The following KCNQ1 variants were observed in gnomAD, a reference collection of about 807,000 sequenced individuals.
KCNQ1 encodes the protein potassium voltage-gated channel subfamily KQT member 1.
KCNQ1 carries 49 observed loss-of-function variants against 72.4 expected under a neutral mutation model. That is an observed-to-expected ratio of 0.68 (90% CI 0.54 to 0.86). The LOEUF is 0.86. Ranked by LOEUF, KCNQ1 falls within the 40% of genes least tolerant of loss-of-function variation. KCNQ1 has a pLI of 0.00. For missense variants in KCNQ1, 790 were observed against 945.1 expected, an observed-to-expected ratio of 0.84 and a Z score of 2.15; for synonymous variants, 450 against 412.6, an observed-to-expected ratio of 1.09 and a Z score of -1.10.
At position 2,745,812 on chromosome 11, in the gene KCNQ1, G is replaced by T. The variant is rs1846130989; in HGVS notation, c.1515-23032G>T. On this transcript the variant is annotated intron_variant, in intron 11 of 15. Coordinates refer to ENST00000155840, the MANE Select transcript of KCNQ1 (RefSeq NM_000218.3). The surrounding 1 kb of genome is among the most constrained non-coding windows in gnomAD (Gnocchi z 6.2). ...CCTTCAGGCCTGAGCCCGGGGCCAG[G>T]ACCAGGAGCAGGCGGCAGCAGCAAG... 6.6e-6 allele frequency among the ~76,000 whole-genome samples: 1 copy of T among 152,254 alleles called. No individual in the cohort carries two copies. Among genetic ancestry groups the T allele is most frequent in the Non-Finnish European group, 1.5e-5 (1 of 68,044 alleles).
chr11:2,589,246 G>A (rs1848639000), intron 10 of KCNQ1, among the ~76,000 whole-genome samples: 1 of 152,192 alleles, frequency 6.6e-6, no homozygotes, highest in African/African-American at 2.4e-5. Flanking sequence ...GAGGGAAGGG[G>A]TTTGGGGATG....
intron 11 of KCNQ1, among the ~76,000 whole-genome samples, chr11:2,726,842 G>T (rs189758907): frequency 6.6e-6 from 1 of 152,132 alleles, no homozygotes; most frequent in South Asian, 2.1e-4. Context: ...TGGCATGGGC[G>T]CCAGGTCTGC....
In KCNQ1 at chr11:2,824,476, G is replaced by T. The variant is rs1169524784; in HGVS notation, c.1795-23291G>T. On this transcript the variant is annotated intron_variant, in intron 15 of 15. Coordinates refer to ENST00000155840, the MANE Select transcript of KCNQ1 (RefSeq NM_000218.3). The surrounding 1 kb of genome is among the most constrained non-coding windows in gnomAD (Gnocchi z 5.9). The stretch of plus-strand genomic sequence containing the variant: ...AGGAGCAGGGAGGAGGACACGCAGG[G>T]CCTGAAAGGTTCTGAGGTGTCCACG... Among the ~76,000 whole-genome samples the T allele has an allele frequency of 6.6e-6, 1 of 152,172 alleles. No homozygotes were observed. The highest frequency in any genetic ancestry group is 2.4e-5 in the African/African-American group (1 of 41,434).
In KCNQ1 at chr11:2,624,035, C is replaced by T. The variant is rs941401731; in HGVS notation, c.1393+35181C>T. 2.5e-6 allele frequency: 1 copy of T among 399,468 alleles called. No individual in the cohort carries two copies. Among genetic ancestry groups the T allele is most frequent in the Non-Finnish European group, 4.4e-6 (1 of 226,848 alleles). The allele number at this position is 399,468 out of a possible 1,614,324, so 24.7% of individuals were successfully genotyped here. On this transcript the variant is annotated intron_variant, in intron 10 of 15. Transcript: ENST00000155840. This position sits in a 1 kb window ranked among gnomAD's most constrained non-coding sequence, Gnocchi z 4.9. ...CTGTACCATTTTGCATTCCCACCAG[C>T]AATGGATGAGTGTTCCTGTTGCCCC... is the stretch of plus-strand genomic sequence containing the variant.
intron 15 of KCNQ1, among the ~76,000 whole-genome samples, chr11:2,788,383 G>T (rs1846953030): frequency 6.6e-6 from 1 of 152,352 alleles, no homozygotes. Flanking sequence ...AGCAGACTGT[G>T]AGAAGTGTGT....
chr11:2,628,290 C>G (rs1220643407), intron 10 of KCNQ1: 1 of 398,434 alleles, frequency 2.5e-6, no homozygotes, highest in Non-Finnish European at 4.4e-6. Context: ...ACATCCTCAC[C>G]AACACTTGCT....
intron 15 of KCNQ1, among the ~76,000 whole-genome samples, chr11:2,831,969 G>A (rs954009746): frequency 1.3e-5 from 2 of 152,098 alleles, no homozygotes; most frequent in African/African-American, 2.4e-5. Context: ...GGCCCTGCCC[G>A]TGTACCAGGA....
intron 11 of KCNQ1, chr11:2,688,127 G>A (rs1850523205): frequency 7.5e-6 from 3 of 398,742 alleles, no homozygotes; most frequent in Non-Finnish European, 4.4e-6. Context: ...TGGGGATACA[G>A]GCTGAGGTGG....
intron 11 of KCNQ1, chr11:2,667,943 C>G (rs1367549517): frequency 7.5e-6 from 3 of 398,598 alleles, no homozygotes; most frequent in African/African-American, 2.1e-5. Flanking sequence ...CCGGAGGAAG[C>G]AACAGAACCC....
Position 2,750,172 on chromosome 11 carries a change from C to T in KCNQ1, c.1515-18672C>T, listed in dbSNP as rs1047453906. On this transcript the variant is annotated intron_variant, in intron 11 of 15. Coordinates refer to ENST00000155840, the MANE Select transcript of KCNQ1 (RefSeq NM_000218.3). The surrounding 1 kb of genome is among the most constrained non-coding windows in gnomAD (Gnocchi z 6.3). ...ACTGTGGGCCCAGAGTCCAGGTCAGCGCCAGGGGCAGCAGGGGCTGGATCT... is the reference window on the plus strand; with the variant it reads ...ACTGTGGGCCCAGAGTCCAGGTCAGTGCCAGGGGCAGCAGGGGCTGGATCT... Among the ~76,000 whole-genome samples the T allele has an allele frequency of 2.6e-5, 4 of 152,070 alleles. No homozygotes were observed. The highest frequency in any genetic ancestry group is 4.8e-5 in the African/African-American group (2 of 41,392).
At chr11:2,758,439 CCA>C (rs1210577685) in intron 11 of KCNQ1, among the ~76,000 whole-genome samples, 1 of 152,108 alleles carries the variant, frequency 6.6e-6, no homozygotes, top group African/African-American at 2.4e-5. Context: ...ACGGGATTGC[CCA>C]TCTGTTGCTG....
At chr11:2,521,413 T>C (rs896946255) in intron 1 of KCNQ1, 9 of 440,814 alleles carry the variant, frequency 2.0e-5, no homozygotes, top group African/African-American at 1.4e-4. Context: ...CTCATGTCCT[T>C]CCATGCATGA....
chr11:2,627,734 TACAC>T lies in KCNQ1; in HGVS notation c.1394-34216_1394-34213del, dbSNP rs368697384. On this transcript the variant is annotated intron_variant, in intron 10 of 15. Transcript: ENST00000155840. The surrounding 1 kb of genome is among the most constrained non-coding windows in gnomAD (Gnocchi z 4.9). ...ATGTGTTTATTTGGGAATTTGGTGA[TACAC>T]ACACACACACTATTTTCTTCCTTTC... The T allele has an allele frequency of 3.0e-5, 12 of 397,752 alleles. No homozygotes were observed. The highest frequency in any genetic ancestry group is 1.3e-4 in the Admixed American group (3 of 22,622). The allele number at this position is 397,752 out of a possible 1,614,324, so 24.6% of individuals were successfully genotyped here.
chr11:2,610,716 CTTTTTTT>C (rs1167505141), intron 10 of KCNQ1: 363 of 229,738 alleles, frequency 1.6e-3, no homozygotes, highest in East Asian at 3.8e-3. Flanking sequence ...TCTTGGTTGG[CTTTTTTT>C]TTTTTTTTTT....
chr11:2,733,007 AGG>A (rs1845880001), intron 11 of KCNQ1, among the ~76,000 whole-genome samples: 1 of 152,100 alleles, frequency 6.6e-6, no homozygotes, highest in South Asian at 2.1e-4. Flanking sequence ...TCCTGGGAAG[AGG>A]GGGTCTGGGA....
rs1334340064 is a variant in KCNQ1, at chr11:2,745,215, A to G, written c.1515-23629A>G. ...GGAAGTTTGCTTGGGATTGCCTCGAATTTGCAGGTTAAATTTGGGAAAAAC... is the reference window on the plus strand; with the variant it reads ...GGAAGTTTGCTTGGGATTGCCTCGAGTTTGCAGGTTAAATTTGGGAAAAAC... On this transcript the variant is annotated intron_variant, in intron 11 of 15. Coordinates refer to ENST00000155840, the MANE Select transcript of KCNQ1 (RefSeq NM_000218.3). The surrounding 1 kb of genome is among the most constrained non-coding windows in gnomAD (Gnocchi z 6.2). 1.3e-5 allele frequency among the ~76,000 whole-genome samples: 2 copies of G among 152,086 alleles called. No homozygotes were observed. The highest frequency in any genetic ancestry group is 2.4e-5 in the African/African-American group (1 of 41,392).
intron 10 of KCNQ1, chr11:2,655,088 A>T (rs769224202): frequency 1.6e-4 from 62 of 398,460 alleles, no homozygotes; most frequent in Middle Eastern, 6.2e-4. Context: ...CTGTATTTTT[A>T]AAAAAATAAA....
At chr11:2,469,888 C>T (rs1846416772) in intron 1 of KCNQ1, among the ~76,000 whole-genome samples, 1 of 151,990 alleles carries the variant, frequency 6.6e-6, no homozygotes, top group Non-Finnish European at 1.5e-5. Flanking sequence ...TCTCCATCTC[C>T]TGACCTCGTG....
chr11:2,446,810 G>C lies in KCNQ1; in HGVS notation c.386+1326G>C, dbSNP rs957248245. 3.3e-5 allele frequency among the ~76,000 whole-genome samples: 5 copies of C among 152,228 alleles called. No homozygotes were observed. Among genetic ancestry groups the C allele is most frequent in the Admixed American group, 2.6e-4 (4 of 15,286 alleles). ...GGTGCCTGAGCCACAGCCGCTGCTG[G>C]TCTGTGAGAGGAGCTGGCTCTGCTC... is the stretch of plus-strand genomic sequence containing the variant. On this transcript the variant is annotated intron_variant, in intron 1 of 15. Transcript: ENST00000155840. The surrounding 1 kb of genome is among the most constrained non-coding windows in gnomAD (Gnocchi z 8.8).
Sources: allele counts gnomAD v4.1 joint callset (sites outside exome capture counted in the v4.1 genomes callset), GRCh38; gene constraint gnomAD v4.1.1; non-coding constraint Gnocchi (gnomAD v3.1); transcripts MANE v1.5; gene names NCBI Gene and HGNC (gene_info 2026-07-23, HGNC 2026-07-21).